POLH: variants seen among roughly 807,000 people sequenced by gnomAD.
POLH encodes DNA polymerase eta, also known as DNA polymerase eta transcript.
A neutral mutation model predicts 73.6 loss-of-function variants in POLH; 53 were observed. That is an observed-to-expected ratio of 0.72 (90% confidence interval 0.58 to 0.91). POLH has a LOEUF of 0.91. POLH is among the 40% of genes least tolerant of loss of function. The pLI, the probability that POLH is intolerant of heterozygous loss-of-function variation, is 0.00. For synonymous variants in POLH, 292 were observed against 308.5 expected (o/e 0.95, Z 0.56); for missense variants, 768 against 865.4 (o/e 0.89, Z 1.41).
intron 6 of POLH, among the ~76,000 whole-genome samples, chr6:43,602,351 A>G (rs1238836025): frequency 6.6e-6 from 1 of 152,248 alleles, no homozygotes; most frequent in African/African-American, 2.4e-5. Flanking sequence ...AAGTGCTGTC[A>G]TAAGACTGCA....
At chr6:43,592,396 T>A (rs1765555275) in intron 4 of POLH, among the ~76,000 whole-genome samples, 1 of 151,302 alleles carries the variant, frequency 6.6e-6, no homozygotes, top group African/African-American at 2.4e-5. Flanking sequence ...TTTGCAGCTT[T>A]GTATCTTCTT....
Position 43,616,601 on chromosome 6 carries a change from C to G in POLH, c.*2044C>G, listed in dbSNP as rs991705247. Among the ~76,000 whole-genome samples the G allele has an allele frequency of 1.4e-5, 2 of 141,766 alleles. No homozygotes were observed. Among genetic ancestry groups the G allele is most frequent in the African/African-American group, 2.7e-5 (1 of 37,182 alleles). The allele number at this position is 141,766 out of a possible 152,430, so 93.0% of individuals were successfully genotyped here. ...GAGACTGTCTCAAAAAAAAAAAAAA[C>G]AAAAGAAAAACTTCTCTCTAGCTCT... On this transcript the variant is annotated 3_prime_UTR_variant, in exon 11 of 11. Transcript: ENST00000372236.
chr6:43,606,218 G>T (rs1582312009), intron 9 of POLH, among the ~76,000 whole-genome samples: 1 of 149,664 alleles, frequency 6.7e-6, no homozygotes, highest in East Asian at 2.0e-4. Flanking sequence ...ATTAACTATA[G>T]TCCTCACTTG....
rs762937711 is a variant in POLH, at chr6:43,587,381, A to G, written c.382A>G (p.Arg128Gly). Reference sequence around the variant, plus strand: ...AGATCTGACCAGTGCTGTACAAGAGAGACTACAAAAGCTACAAGGTCAGCC... The same window carrying G: ...AGATCTGACCAGTGCTGTACAAGAGGGACTACAAAAGCTACAAGGTCAGCC... ...YVDLTSAVQE[R>G]LQKLQGQPIS... The change falls in exon 4 of 11, where the codon AGA becomes GGA. Residue 128 changes from arginine (R) to glycine (G), a missense_variant. Transcript: ENST00000372236. The G allele has an allele frequency of 1.6e-5, 26 of 1,614,054 alleles. No homozygotes were observed. The highest frequency in any genetic ancestry group is 2.1e-5 in the Non-Finnish European group (25 of 1,179,978).
Position 43,577,599 on chromosome 6 carries a change from CAGTTGT to C in POLH, c.-5+1161_-5+1166del, listed in dbSNP as rs1763515944. On this transcript the variant is annotated intron_variant, in intron 1 of 10. Coordinates refer to ENST00000372236, the MANE Select transcript of POLH (RefSeq NM_006502.3). ...TCTTTCCACTCACCTTCCTGCTTTG[CAGTTGT>C]AAGACGTTTTTTTTTTCAAGGTGAA... 4.6e-5 allele frequency among the ~76,000 whole-genome samples: 7 copies of C among 152,042 alleles called. 1 individual carries two copies. The South Asian group carries it at 1.5e-3, about 32-fold the overall frequency.
Position 43,614,689 on chromosome 6 carries a change from T to TA in POLH, c.*133dup, listed in dbSNP as rs1469036934. On this transcript the variant is annotated 3_prime_UTR_variant, in exon 11 of 11. Coordinates refer to ENST00000372236, the MANE Select transcript of POLH (RefSeq NM_006502.3). ...TTTTTAATACAAAAAATAATCCATT[T>TA]AGGTGCTGAGTTACGGTCCCATCTC... 2.5e-6 allele frequency: 2 copies of TA among 811,090 alleles called. No individual in the cohort carries two copies. Among genetic ancestry groups the TA allele is most frequent in the Non-Finnish European group, 3.8e-6 (2 of 522,754 alleles). 50.2% of individuals were successfully genotyped at this position (811,090 alleles called of 1,614,324 possible). A position where few individuals can be genotyped will look rare whatever the true frequency, so the allele number is the denominator to read the frequency against.
chr6:43,610,056 C>CTTTTTTTTTTTTTTTTT (rs1297780442), intron 9 of POLH, among the ~76,000 whole-genome samples: 1 of 98,496 alleles, frequency 1.0e-5, no homozygotes, highest in African/African-American at 4.0e-5. Flanking sequence ...TATATAGATT[C>CTTTTTTTTTTTTTTTTT]TTTTTTTTTT....
At chr6:43,576,690 CTTGTT>C (rs1281233993) in intron 1 of POLH, among the ~76,000 whole-genome samples, 1 of 152,178 alleles carries the variant, frequency 6.6e-6, no homozygotes, top group Non-Finnish European at 1.5e-5. Flanking sequence ...GGGCACTAAA[CTTGTT>C]TTGTGCGGAT....
chr6:43,578,489 C>A, intron 1 of POLH: 1 of 405,816 alleles, frequency 2.5e-6, no homozygotes, highest in Non-Finnish European at 4.8e-6. Context: ...GTATTTAAAG[C>A]AGCCTGGCGG....
intron 6 of POLH, among the ~76,000 whole-genome samples, chr6:43,601,787 G>T (rs1766762244): frequency 6.6e-6 from 1 of 151,992 alleles, no homozygotes; most frequent in Non-Finnish European, 1.5e-5. Flanking sequence ...GGCCGGGTGC[G>T]GTGGCTCACG....
intron 1 of POLH, among the ~76,000 whole-genome samples, chr6:43,579,822 G>A (rs1255488426): frequency 2.0e-5 from 3 of 151,794 alleles, no homozygotes; most frequent in Admixed American, 6.6e-5. Flanking sequence ...TTGATTGCTT[G>A]TTTGTTGGTG....
At chr6:43,603,796 T>C in intron 6 of POLH, 96 bp from the exon 7 acceptor site, 1 of 1,234,066 alleles carries the variant, frequency 8.1e-7, no homozygotes, top group Non-Finnish European at 1.2e-6. Context: ...TCCTGAACCT[T>C]TTGGAGAGCT....
intron 1 of POLH, among the ~76,000 whole-genome samples, chr6:43,576,654 C>T (rs1044261698): frequency 6.6e-5 from 10 of 152,234 alleles, no homozygotes; most frequent in African/African-American, 2.4e-4. Flanking sequence ...CTTGGAATTA[C>T]TTTCCTGGAT....
At chr6:43,593,180 ATATAAT>A (rs893628605) in intron 4 of POLH, among the ~76,000 whole-genome samples, 9 of 152,210 alleles carry the variant, frequency 5.9e-5, no homozygotes, top group African/African-American at 1.9e-4. Context: ...TATAATGATC[ATATAAT>A]TATTATTAAA....
intron 1 of POLH, among the ~76,000 whole-genome samples, chr6:43,580,875 G>C (rs1764047998): frequency 4.0e-5 from 6 of 148,324 alleles, no homozygotes; most frequent in South Asian, 2.1e-4. Context: ...AGACGGGGCG[G>C]CTGGCCGGGC....
In POLH at chr6:43,620,251, C is replaced by T. The variant is rs1213376787; in HGVS notation, c.*5694C>T. On this transcript the variant is annotated 3_prime_UTR_variant, in exon 11 of 11. Coordinates refer to ENST00000372236, the MANE Select transcript of POLH (RefSeq NM_006502.3). Reference sequence around the variant, plus strand: ...TCAAATACAGGGTAGCTACCTATTTCACGTGAAAGGCCTCAGTATTCTGCT... The same window carrying T: ...TCAAATACAGGGTAGCTACCTATTTTACGTGAAAGGCCTCAGTATTCTGCT... 1.9e-6 allele frequency: 1 copy of T among 516,464 alleles called. No homozygotes were observed. Among genetic ancestry groups the T allele is most frequent in the Non-Finnish European group, 3.9e-6 (1 of 259,444 alleles). The allele number at this position is 516,464 out of a possible 1,614,324, so 32.0% of individuals were successfully genotyped here. A position where few individuals can be genotyped will look rare whatever the true frequency, so the allele number is the denominator to read the frequency against.
intron 9 of POLH, among the ~76,000 whole-genome samples, chr6:43,609,801 T>C (rs1258824354): frequency 1.3e-5 from 2 of 152,144 alleles, no homozygotes; most frequent in Admixed American, 1.3e-4. Context: ...CAAAATAGTA[T>C]CTAGTATTGT....
chr6:43,597,856 A>C lies in POLH; in HGVS notation c.651A>C (p.Ser217=), dbSNP rs751080449. The change falls in exon 5 of 11, where the codon TCA becomes TCC. Residue 217 remains serine, a synonymous_variant. Coordinates refer to ENST00000372236, the MANE Select transcript of POLH (RefSeq NM_006502.3). ...ETGFQCSAGI[S]HNKVLAKLAC... is the part of the protein sequence containing the mutation. The stretch of plus-strand genomic sequence containing the variant: ...GTTTTCAGTGTTCAGCTGGAATTTC[A>C]CACAATAAGGTGAAGGCTAATAGTA... 8.7e-6 allele frequency: 14 copies of C among 1,612,418 alleles called. No individual in the cohort carries two copies. The highest frequency in any genetic ancestry group is 5.0e-5 in the Admixed American group (3 of 59,978).
At chr6:43,601,702 T>A (rs564684005) in intron 6 of POLH, among the ~76,000 whole-genome samples, 5 of 152,154 alleles carry the variant, frequency 3.3e-5, no homozygotes, top group African/African-American at 1.2e-4. Flanking sequence ...GGTGGGTGGA[T>A]CGCTTGAGCC....
Sources: allele counts gnomAD v4.1 joint callset (sites outside exome capture counted in the v4.1 genomes callset), GRCh38; gene constraint gnomAD v4.1.1; transcripts MANE v1.5; gene names NCBI Gene and HGNC (gene_info 2026-07-23, HGNC 2026-07-21).